TTC34: variants seen among roughly 807,000 people sequenced by gnomAD.
TTC34 encodes tetratricopeptide repeat domain 34.
In TTC34, 44 loss-of-function variants were observed where a neutral mutation model predicts 40.7. The ratio of observed to expected loss-of-function variants is 1.08; its 90% CI spans 0.85 to 1.39. The LOEUF (loss-of-function observed/expected upper bound fraction) is 1.39, where lower values mean the gene tolerates loss of function less well. Among genes scored for constraint, TTC34 ranks in the 40% most tolerant of loss-of-function variants. The pLI is 0.00. For synonymous variants in TTC34, 422 were observed against 398.6 expected (o/e 1.06, Z -0.70); for missense variants, 884 against 838.0 (o/e 1.05, Z -0.68).
intron 6 of TTC34, among the ~76,000 whole-genome samples, chr1:2,688,208 C>G (rs868134358): frequency 7.4e-3 from 865 of 117,330 alleles, no homozygotes; most frequent in Admixed American, 0.013. Flanking sequence ...GCACCCCACA[C>G]CCCCAGGGGA....
intron 6 of TTC34, among the ~76,000 whole-genome samples, chr1:2,686,605 C>T (rs1393205714): frequency 6.6e-6 from 1 of 150,378 alleles, no homozygotes; most frequent in Non-Finnish European, 1.5e-5. Context: ...CACACACCCC[C>T]AGGCGAGCAT....
intron 6 of TTC34, among the ~76,000 whole-genome samples, chr1:2,750,129 G>T (rs1641267035): frequency 1.3e-5 from 2 of 150,876 alleles, no homozygotes; most frequent in Non-Finnish European, 2.9e-5. Flanking sequence ...CACACACCCA[G>T]GTGAGCATCC....
rs1333986274 is a variant in TTC34, at chr1:2,752,735, C to T, written c.2226+30874G>A. 3.0e-3 allele frequency among the ~76,000 whole-genome samples: 365 copies of T among 122,178 alleles called. 73 individuals carry two copies. The highest frequency in any genetic ancestry group is 0.012 in the African/African-American group (347 of 29,298). The allele number at this position is 122,178 out of a possible 152,430, so 80.2% of individuals were successfully genotyped here. A position where few individuals can be genotyped will look rare whatever the true frequency, so the allele number is the denominator to read the frequency against. On this transcript the variant is annotated intron_variant, in intron 6 of 8. Coordinates refer to ENST00000401095, the Ensembl canonical transcript of TTC34. Reference sequence around the variant, plus strand: ...ACAGCATGGAACAGCACCCTGCACCCCCAGGACAGCATCTGACAGCGTGGA... The same window carrying T: ...ACAGCATGGAACAGCACCCTGCACCTCCAGGACAGCATCTGACAGCGTGGA...
At chr1:2,752,714 C>A (rs1157589472) in intron 6 of TTC34, among the ~76,000 whole-genome samples, 1 of 133,490 alleles carries the variant, frequency 7.5e-6, no homozygotes, top group Non-Finnish European at 1.6e-5. Context: ...CATCTGACAG[C>A]ATGGAACAGC....
intron 4 of TTC34, 91 bp downstream of exon 4, chr1:2,787,390 G>A: frequency 8.2e-7 from 1 of 1,214,314 alleles, no homozygotes; most frequent in Non-Finnish European, 1.1e-6. Context: ...CCAGACTGTG[G>A]GGTCCAGCGC....
chr1:2,800,927 C>A, intron 1 of TTC34, 59 bp from the exon 2 acceptor site: 1 of 398,130 alleles, frequency 2.5e-6, no homozygotes, highest in Non-Finnish European at 4.4e-6. Context: ...TGCCCTGTGG[C>A]CACCCGTGCC....
At chr1:2,637,985 T>G (rs879364403) in exon 9 of TTC34, 11 of 152,214 alleles carry the variant, frequency 7.2e-5, no homozygotes, top group Admixed American at 7.2e-4. Flanking sequence ...GTGAACCCCC[T>G]GGTTCTCTGA....
intron 6 of TTC34, among the ~76,000 whole-genome samples, chr1:2,687,579 A>G (rs1432693917): frequency 2.8e-5 from 4 of 140,462 alleles, no homozygotes; most frequent in Non-Finnish European, 4.5e-5. Context: ...CCAGGTGACG[A>G]TCTGACAGCC....
Position 2,764,265 on chromosome 1 carries a change from C to T in TTC34, c.2226+19344G>A, listed in dbSNP as rs1417832317. Among the ~76,000 whole-genome samples the T allele has an allele frequency of 2.0e-5, 3 of 150,576 alleles. No individual in the cohort carries two copies. The East Asian group carries it at 6.0e-4, about 30-fold the overall frequency. ...CAGCCTGGAGCAGCACGCACACCCC[C>T]AGGCGAGCATCTGACAGCCTGGAGC... On this transcript the variant is annotated intron_variant, in intron 6 of 8. Coordinates refer to ENST00000401095, the Ensembl canonical transcript of TTC34.
chr1:2,801,357 C>T lies in TTC34; in HGVS notation c.-42+220G>A, dbSNP rs182799206. Among the ~76,000 whole-genome samples, 66 of 152,170 alleles carry T rather than the reference C, an allele frequency of 4.3e-4. 1 individual carries two copies. The East Asian group carries it at 0.011, about 26-fold the overall frequency. ...CACCTGGGCCATTCGAGGGGGGCGC[C>T]GAGAGCACCTGCCAGGCCCTTGGGT... On this transcript the variant is annotated intron_variant, in intron 1 of 8. Coordinates refer to ENST00000401095, the Ensembl canonical transcript of TTC34.
At position 2,644,486 on chromosome 1, in the gene TTC34, G is replaced by T. The variant is rs551576238; in HGVS notation, c.2498-8C>A. ...CAGCTTCCTCGTAGCTGCCTGTCAG[G>T]GATTCAGGAGGGACAGTCAGTGTGT... On this transcript the variant is annotated splice_region_variant and splice_polypyrimidine_tract_variant and intron_variant, in intron 7 of 8. Transcript: ENST00000401095. 2.2e-4 allele frequency: 332 copies of T among 1,530,726 alleles called. 1 individual carries two copies. The African/African-American group carries it at 4.0e-3, about 18-fold the overall frequency. 94.8% of individuals were successfully genotyped at this position (1,530,726 alleles called of 1,614,324 possible).
chr1:2,684,680 C>G (rs1313622001), intron 6 of TTC34, among the ~76,000 whole-genome samples: 1 of 105,200 alleles, frequency 9.5e-6, no homozygotes, highest in African/African-American at 4.1e-5. Flanking sequence ...CCCACACGCC[C>G]AGGTGAGCAT....
At chr1:2,750,552 G>T (rs1641281937) in intron 6 of TTC34, among the ~76,000 whole-genome samples, 2 of 148,196 alleles carry the variant, frequency 1.3e-5, no homozygotes, top group African/African-American at 2.5e-5. Context: ...ACAGCCTGGG[G>T]CAGCACCCAC....
chr1:2,773,737 G>C (rs1254934570), intron 6 of TTC34: 4 of 90,936 alleles, frequency 4.4e-5, no homozygotes, highest in East Asian at 3.7e-4. Flanking sequence ...AGCATCTACA[G>C]CCCCAGGTGA....
At chr1:2,651,723 C>T (rs374150850) in intron 6 of TTC34, among the ~76,000 whole-genome samples, 1 of 151,406 alleles carries the variant, frequency 6.6e-6, no homozygotes, top group South Asian at 2.1e-4. Context: ...CCCTCTCCAA[C>T]CTTCAGGTGA....
intron 6 of TTC34, among the ~76,000 whole-genome samples, chr1:2,653,791 C>T (rs1200754275): frequency 1.3e-5 from 2 of 152,362 alleles, no homozygotes; most frequent in African/African-American, 4.8e-5. Flanking sequence ...CATCTGACAG[C>T]CTGGAGCAGT....
chr1:2,786,111 C>A, intron 4 of TTC34, 88 bp from the exon 5 acceptor site: 2 of 1,213,292 alleles, frequency 1.6e-6, no homozygotes, highest in South Asian at 4.0e-5. Context: ...CATCCCCCAC[C>A]CCACCCTCAC....
intron 6 of TTC34, among the ~76,000 whole-genome samples, chr1:2,656,369 C>T (rs1639345753): frequency 9.9e-6 from 1 of 101,364 alleles, no homozygotes; most frequent in African/African-American, 4.1e-5. Context: ...TGGAACAGCA[C>T]CCACACCCAC....
At chr1:2,675,668 G>A (rs1169690790) in intron 6 of TTC34, among the ~76,000 whole-genome samples, 24 of 141,344 alleles carry the variant, frequency 1.7e-4, no homozygotes, top group East Asian at 1.1e-3. Context: ...CCGACAGCCT[G>A]GAGCAGCACC....
Sources: gnomAD v4.1 joint callset for allele counts (sites outside exome capture counted in the v4.1 genomes callset) on GRCh38, gnomAD v4.1.1 for gene constraint, MANE v1.5 for transcripts, NCBI Gene and HGNC (gene_info 2026-07-23, HGNC 2026-07-21) for gene names.